The following GALNT16 variants were observed in gnomAD, a reference collection of about 807,000 sequenced individuals.
The protein encoded by GALNT16 is UDP-GalNAc:polypeptide N-acetylgalactosaminyltransferase-like protein 1.
GALNT16 carries 40 observed loss-of-function variants against 76.1 expected under a neutral mutation model. The ratio of observed to expected loss-of-function variants is 0.53; its 90% CI spans 0.41 to 0.68. The LOEUF is 0.68. Among genes scored for constraint, GALNT16 ranks in the 30% least tolerant of loss-of-function variants. GALNT16 has a pLI of 0.00. For missense variants in GALNT16, 621 were observed against 731.9 expected (o/e 0.85, Z 1.75); for synonymous variants, 276 against 285.2 (o/e 0.97, Z 0.32).
intron 1 of GALNT16, among the ~76,000 whole-genome samples, chr14:69,288,771 G>A (rs1392792891): frequency 2.0e-5 from 3 of 152,188 alleles, no homozygotes; most frequent in Non-Finnish European, 4.4e-5. Context: ...AACTCAATAT[G>A]AGGTCCAGAA....
At chr14:69,312,411 T>C (rs1594842422) in intron 1 of GALNT16, among the ~76,000 whole-genome samples, 2 of 152,078 alleles carry the variant, frequency 1.3e-5, no homozygotes, top group Admixed American at 6.5e-5. Flanking sequence ...GCCCAGAGGG[T>C]GTTTCTTGGG....
intron 1 of GALNT16, among the ~76,000 whole-genome samples, chr14:69,314,228 T>C (rs1317230408): frequency 6.6e-6 from 1 of 152,274 alleles, no homozygotes; most frequent in Admixed American, 6.5e-5. Flanking sequence ...AATCACAATT[T>C]ATGTGCCAGG....
At chr14:69,324,581 C>T in intron 2 of GALNT16, 111 bp from the exon 3 acceptor site, 1 of 577,188 alleles carries the variant, frequency 1.7e-6, no homozygotes, top group Non-Finnish European at 3.0e-6. Context: ...GTTGGTGTGC[C>T]TTCTCTGCCT....
At chr14:69,262,503 G>A (rs532219409) in intron 1 of GALNT16, among the ~76,000 whole-genome samples, 53 of 152,314 alleles carry the variant, frequency 3.5e-4, no homozygotes, top group African/African-American at 1.2e-3. Flanking sequence ...TTGACTTGCT[G>A]CAGGTAAGAA....
In GALNT16 at chr14:69,339,626, C is replaced by T. The variant is rs529518932; in HGVS notation, c.1187+7C>T. Reference sequence around the variant, plus strand: ...TCGGGAAGGCCTTCGGCAGGTGGGCCCCCCCAGCTCCACTGTCTGACTCCC... The same window carrying T: ...TCGGGAAGGCCTTCGGCAGGTGGGCTCCCCCAGCTCCACTGTCTGACTCCC... On this transcript the variant is annotated splice_region_variant and intron_variant, in intron 11 of 14. Coordinates refer to ENST00000448469, the MANE Select transcript of GALNT16 (RefSeq NM_001168368.2). 2 of 1,548,336 alleles carry T rather than the reference C, an allele frequency of 1.3e-6. No individual in the cohort carries two copies. The highest frequency in any genetic ancestry group is 2.3e-5 in the South Asian group (2 of 86,782).
chr14:69,318,056 G>A (rs1383821457), intron 1 of GALNT16, among the ~76,000 whole-genome samples: 1 of 152,206 alleles, frequency 6.6e-6, no homozygotes, highest in Admixed American at 6.5e-5. Flanking sequence ...CACTGGCTCA[G>A]GGCCAACTGA....
At chr14:69,289,296 G>T (rs2044659500) in intron 1 of GALNT16, among the ~76,000 whole-genome samples, 1 of 152,130 alleles carries the variant, frequency 6.6e-6, no homozygotes, top group African/African-American at 2.4e-5. Context: ...ACTTGTATGA[G>T]GCCCAGTGAA....
chr14:69,266,790 G>A (rs576717294), intron 1 of GALNT16, among the ~76,000 whole-genome samples: 1 of 152,296 alleles, frequency 6.6e-6, no homozygotes, highest in East Asian at 1.9e-4. Flanking sequence ...TGGGAAGTAG[G>A]CGGGCCCCAT....
At chr14:69,367,789 GA>G in the GALNT16 span, among the ~76,000 whole-genome samples, 1 of 152,112 alleles carries the variant, frequency 6.6e-6, no homozygotes, top group South Asian at 2.1e-4. Flanking sequence ...AGGAGCTTCA[GA>G]CCAATTTGGG....
chr14:69,265,296 T>C (rs1415307761), intron 1 of GALNT16, among the ~76,000 whole-genome samples: 4 of 152,208 alleles, frequency 2.6e-5, no homozygotes, highest in African/African-American at 9.6e-5. Context: ...GGCACGGGAC[T>C]AGCTTTAGGG....
rs372758328 is a variant in GALNT16, at chr14:69,322,783, C to T, written c.336-1909C>T. Among the ~76,000 whole-genome samples, 5 of 152,144 alleles carry T rather than the reference C, an allele frequency of 3.3e-5. No homozygotes were observed. In the East Asian group the frequency reaches 7.7e-4, roughly 24 times the overall value. ...GTGGGCACCTGTAATCTCAGCTACT[C>T]GGGAGGCTAAGGCAGGAGAATCTCT... is the stretch of plus-strand genomic sequence containing the variant. On this transcript the variant is annotated intron_variant, in intron 2 of 14. Coordinates refer to ENST00000448469, the MANE Select transcript of GALNT16 (RefSeq NM_001168368.2).
chr14:69,381,441 AT>A, the GALNT16 span, among the ~76,000 whole-genome samples: 1 of 152,244 alleles, frequency 6.6e-6, no homozygotes, highest in Non-Finnish European at 1.5e-5. Flanking sequence ...GCTTTTTAAA[AT>A]AAATAATGCT....
chr14:69,377,143 G>A, the GALNT16 span, among the ~76,000 whole-genome samples: 8 of 152,342 alleles, frequency 5.3e-5, no homozygotes, highest in East Asian at 1.4e-3. Flanking sequence ...TTGGTGCCAA[G>A]TAAGACCTCT....
intron 1 of GALNT16, among the ~76,000 whole-genome samples, chr14:69,275,443 T>C (rs748053058): frequency 1.7e-4 from 26 of 152,252 alleles, no homozygotes; most frequent in Admixed American, 3.9e-4. Flanking sequence ...CATTGCAGAA[T>C]TGATGATTTA....
intron 1 of GALNT16, among the ~76,000 whole-genome samples, chr14:69,272,049 T>C (rs1380860107): frequency 6.6e-6 from 1 of 152,188 alleles, no homozygotes; most frequent in Non-Finnish European, 1.5e-5. Flanking sequence ...CTCACATTCA[T>C]TCACATCCCC....
At chr14:69,331,627 T>C in intron 7 of GALNT16, 76 bp downstream of exon 7, 3 of 823,076 alleles carry the variant, frequency 3.6e-6, no homozygotes. Flanking sequence ...AAACCCTTGC[T>C]TGCTGCTCTT....
chr14:69,341,538 C>T (rs1408184594), intron 11 of GALNT16, 143 bp from the exon 12 acceptor site: 3 of 629,288 alleles, frequency 4.8e-6, no homozygotes, highest in Non-Finnish European at 5.7e-6. Context: ...GATAAGTGGC[C>T]AGGGCTGGAC....
At chr14:69,374,276 T>C in the GALNT16 span, among the ~76,000 whole-genome samples, 1 of 152,314 alleles carries the variant, frequency 6.6e-6, no homozygotes, top group East Asian at 1.9e-4. Flanking sequence ...TATGATTCCT[T>C]GTCCACTTAA....
chr14:69,334,697 C>A (rs2045395567), intron 9 of GALNT16, among the ~76,000 whole-genome samples: 1 of 152,118 alleles, frequency 6.6e-6, no homozygotes, highest in Non-Finnish European at 1.5e-5. Context: ...GCCCATGGCA[C>A]CAGGTGGAGA....
Sources: gnomAD v4.1 joint callset for allele counts (sites outside exome capture counted in the v4.1 genomes callset) on GRCh38, gnomAD v4.1.1 for gene constraint, MANE v1.5 for transcripts, NCBI Gene and HGNC (gene_info 2026-07-23, HGNC 2026-07-21) for gene names.